Variants in SRL observed in about 807,000 individuals in gnomAD.
The protein encoded by SRL is sarcalumenin.
In SRL, 23 loss-of-function variants were observed where a neutral mutation model predicts 39.5. That is an observed-to-expected ratio of 0.58 (90% CI 0.42 to 0.82). The LOEUF (loss-of-function observed/expected upper bound fraction) is 0.82. Ranked by LOEUF, SRL falls within the 40% of genes least tolerant of loss-of-function variation. The pLI is 0.00. For synonymous variants in SRL, 272 were observed against 237.4 expected (o/e 1.15, Z -1.34); for missense variants, 592 against 607.8 (o/e 0.97, Z 0.27).
chr16:4,192,614 C>T lies in SRL; in HGVS notation c.961G>A (p.Val321Met), dbSNP rs1234919281. The change falls in exon 6 of 6, where the codon GTG (valine) becomes ATG (methionine). Residue 321 changes from valine to methionine, a missense_variant. Transcript: ENST00000399609. This position sits in a 1 kb window ranked among gnomAD's most constrained non-coding sequence, Gnocchi z 4.0. ...EISLLEDLNQ[V>M]IENRLENKIA... ...TTGTTCTCCAGTCTGTTCTCGATCA[C>T]CTGATTCAGGTCTTCTAGGAGGGAG... The T allele has an allele frequency of 1.4e-5, 22 of 1,614,142 alleles. No individual in the cohort carries two copies. Among genetic ancestry groups the T allele is most frequent in the Non-Finnish European group, 1.7e-5 (20 of 1,180,034 alleles).
In SRL at chr16:4,227,573, A is replaced by G. The variant is rs1483434329; in HGVS notation, c.61+14434T>C. Among the ~76,000 whole-genome samples, 5 of 151,966 alleles carry G rather than the reference A, an allele frequency of 3.3e-5. No homozygotes were observed. In the East Asian group the frequency reaches 7.8e-4, roughly 24 times the overall value. ...TGGGTGGATGGATGGATTGGTGGAC[A>G]GATGGGTGAATGGAAGGATGGATGA... On this transcript the variant is annotated intron_variant, in intron 1 of 5. Transcript: ENST00000399609.
At chr16:4,193,288 C>A (rs1190169260) in intron 5 of SRL, among the ~76,000 whole-genome samples, 2 of 152,178 alleles carry the variant, frequency 1.3e-5, no homozygotes, top group Non-Finnish European at 2.9e-5. Flanking sequence ...CCACCTCAGC[C>A]TCCCAAAGTG....
intron 1 of SRL, among the ~76,000 whole-genome samples, chr16:4,238,736 C>G (rs959771549): frequency 4.6e-5 from 7 of 151,912 alleles, no homozygotes; most frequent in African/African-American, 1.7e-4. Flanking sequence ...GATCCTCCCC[C>G]CTCGGCCTCT....
intron 3 of SRL, among the ~76,000 whole-genome samples, chr16:4,202,464 G>T (rs1231665860): frequency 6.6e-6 from 1 of 151,938 alleles, no homozygotes; most frequent in East Asian, 1.9e-4. Context: ...GTGGTGGCAG[G>T]TGCCTGTAGT....
intron 1 of SRL, among the ~76,000 whole-genome samples, chr16:4,222,911 T>C (rs1026536125): frequency 3.3e-5 from 5 of 151,880 alleles, no homozygotes; most frequent in Non-Finnish European, 5.9e-5. Flanking sequence ...CTGGCCAACA[T>C]GGTGAAGCCC....
At chr16:4,234,262 G>A (rs1339929710) in intron 1 of SRL, among the ~76,000 whole-genome samples, 1 of 152,138 alleles carries the variant, frequency 6.6e-6, no homozygotes, top group Non-Finnish European at 1.5e-5. Context: ...CCAAAGTGCC[G>A]GGATTACAGG....
rs905259766 is a variant in SRL at position 4,190,061 on chromosome 16, ACT to A, written c.*2090_*2091del. 2.3e-5 allele frequency: 9 copies of A among 391,222 alleles called. No homozygotes were observed. Among genetic ancestry groups the A allele is most frequent in the Admixed American group, 4.4e-5 (1 of 22,480 alleles). 24.2% of individuals were successfully genotyped at this position (391,222 alleles called of 1,614,324 possible). ...TCCGTGGATGCCCCTTGCAGAACTC[ACT>A]GTTCTTTCCTGGTCGACTCGTTCCT... On this transcript the variant is annotated 3_prime_UTR_variant, in exon 6 of 6. Transcript: ENST00000399609.
At chr16:4,209,999 G>C (rs1452808357) in intron 1 of SRL, among the ~76,000 whole-genome samples, 1 of 152,118 alleles carries the variant, frequency 6.6e-6, no homozygotes. Flanking sequence ...TTCTCTTCAG[G>C]CTCAAGCTCC....
intron 1 of SRL, among the ~76,000 whole-genome samples, chr16:4,211,606 C>T (rs1485102825): frequency 2.6e-5 from 3 of 115,300 alleles, no homozygotes; most frequent in Admixed American, 9.2e-5. Context: ...TGGTGATGAC[C>T]GTGCCGATGA....
At chr16:4,232,155 T>C (rs1476035832) in intron 1 of SRL, among the ~76,000 whole-genome samples, 1 of 151,954 alleles carries the variant, frequency 6.6e-6, no homozygotes, top group Non-Finnish European at 1.5e-5. Flanking sequence ...TAACTACCAA[T>C]TCGGAAAGGA....
intron 1 of SRL, among the ~76,000 whole-genome samples, chr16:4,218,663 C>T (rs1164021471): frequency 6.6e-6 from 1 of 152,234 alleles, no homozygotes; most frequent in Non-Finnish European, 1.5e-5. Flanking sequence ...AGCTCTGTCC[C>T]CATTAGCAGA....
intron 1 of SRL, among the ~76,000 whole-genome samples, chr16:4,211,780 T>C (rs1454085580): frequency 1.4e-4 from 20 of 141,018 alleles, no homozygotes; most frequent in African/African-American, 5.4e-4. Context: ...TGGTGGTGAC[T>C]ATGCTGATGA....
At chr16:4,202,260 T>C (rs7205980) in intron 3 of SRL, among the ~76,000 whole-genome samples, 34,739 of 152,066 alleles carry the variant, frequency 0.23, 4,877 homozygotes, top group African/African-American at 0.38. Flanking sequence ...CTTGGAAGGC[T>C]TCACTATAAC....
At position 4,192,703 on chromosome 16, in the gene SRL, C is replaced by A; in HGVS notation, c.872G>T (p.Ser291Ile). The A allele has an allele frequency of 6.2e-7, 1 of 1,614,152 alleles. No individual in the cohort carries two copies. Reference protein sequence around the residue: ...NVTEPPRVYVSSFWPQEYKPD... With the variant: ...NVTEPPRVYVISFWPQEYKPD... ...CTTATACTCTTGTGGCCAGAAGGAG[C>A]TGACGTAAACCCTTGGGGGCTCTGT... The change falls in exon 6 of 6, where the codon AGC (serine) becomes ATC (isoleucine). Residue 291 changes from serine (S) to isoleucine (I), a missense_variant. Coordinates refer to ENST00000399609, the MANE Select transcript of SRL (RefSeq NM_001098814.2). This position sits in a 1 kb window ranked among gnomAD's most constrained non-coding sequence, Gnocchi z 4.0.
intron 2 of SRL, among the ~76,000 whole-genome samples, chr16:4,203,944 C>T (rs796548735): frequency 9.8e-5 from 15 of 152,324 alleles, no homozygotes; most frequent in African/African-American, 3.6e-4. Flanking sequence ...GGGGTGGGGT[C>T]AGATAACCCA....
intron 1 of SRL, among the ~76,000 whole-genome samples, chr16:4,221,526 G>C (rs12929726): frequency 0.31 from 46,796 of 152,130 alleles, 7,789 homozygotes; most frequent in Middle Eastern, 0.52. Flanking sequence ...TCAACACTGA[G>C]AGCCACATGG....
chr16:4,192,549 G>A lies in SRL; in HGVS notation c.1026C>T (p.Ile342=), dbSNP rs374728500. The stretch of plus-strand genomic sequence containing the variant: ...GGTAGCGGTCAACCAGGAGGGCGTG[G>A]ATGCGGACCCGGATGGCGTGCTGGC... ...FIRQHAIRVR[I]HALLVDRYLQ... is the part of the protein sequence containing the mutation. Residue 342 remains isoleucine (I), a synonymous_variant, in exon 6 of 6, where the codon ATC becomes ATT. Transcript: ENST00000399609. This position sits in a 1 kb window ranked among gnomAD's most constrained non-coding sequence, Gnocchi z 4.0. The A allele has an allele frequency of 6.8e-6, 11 of 1,614,058 alleles. No homozygotes were observed. Among genetic ancestry groups the A allele is most frequent in the African/African-American group, 2.7e-5 (2 of 74,922 alleles).
chr16:4,229,190 T>A (rs2052631550), intron 1 of SRL, among the ~76,000 whole-genome samples: 1 of 151,976 alleles, frequency 6.6e-6, no homozygotes, highest in African/African-American at 2.4e-5. Flanking sequence ...GCAACTGTAA[T>A]CCCAGCACTT....
intron 1 of SRL, among the ~76,000 whole-genome samples, chr16:4,237,762 C>T (rs565194160): frequency 1.3e-5 from 2 of 152,284 alleles, no homozygotes; most frequent in African/African-American, 4.8e-5. Context: ...CTCAGAATTC[C>T]CTTCCTGCCA....
Sources: gnomAD v4.1 joint callset for allele counts (sites outside exome capture counted in the v4.1 genomes callset) on GRCh38, gnomAD v4.1.1 for gene constraint, Gnocchi (gnomAD v3.1) non-coding constraint, MANE v1.5 for transcripts, NCBI Gene and HGNC (gene_info 2026-07-23, HGNC 2026-07-21) for gene names.